Variants in GRID2 observed in about 807,000 individuals in gnomAD.
GRID2 encodes glutamate receptor ionotropic, delta-2.
A neutral mutation model predicts 114.8 loss-of-function variants in GRID2; 33 were observed. That is an observed-to-expected ratio of 0.29 (90% CI 0.22 to 0.38). GRID2 has a LOEUF of 0.38. Among genes scored for constraint, GRID2 ranks in the 10% least tolerant of loss-of-function variants. The pLI is 1.00. For missense variants in GRID2, 1,184 were observed against 1,257.7 expected (o/e 0.94, Z 0.89); for synonymous variants, 505 against 449.9 (o/e 1.12, Z -1.55).
intron 8 of GRID2, among the ~76,000 whole-genome samples, chr4:93,380,265 A>G (rs957652101): frequency 1.3e-5 from 2 of 152,042 alleles, no homozygotes; most frequent in African/African-American, 4.8e-5. Flanking sequence ...CAGAGATTGA[A>G]GTTATGCAGC....
intron 13 of GRID2, among the ~76,000 whole-genome samples, chr4:93,564,463 C>T (rs1735221668): frequency 6.6e-6 from 1 of 151,924 alleles, no homozygotes; most frequent in Admixed American, 6.6e-5. Context: ...CAGTAGTCAA[C>T]TTAGATATTT....
At chr4:92,572,014 A>G (rs150305976) in intron 1 of GRID2, among the ~76,000 whole-genome samples, 61,454 of 151,660 alleles carry the variant, frequency 0.41, 12,553 homozygotes, top group African/African-American at 0.48. Context: ...GCTAGCAGAA[A>G]GCAAGAAATA....
At chr4:92,805,590 T>A (rs549494887) in intron 2 of GRID2, among the ~76,000 whole-genome samples, 1 of 152,136 alleles carries the variant, frequency 6.6e-6, no homozygotes, top group South Asian at 2.1e-4. Flanking sequence ...TGAATTTAGA[T>A]CCTCTAAAGT....
chr4:93,768,793 C>G (rs920923287), intron 14 of GRID2, among the ~76,000 whole-genome samples: 10 of 152,112 alleles, frequency 6.6e-5, no homozygotes, highest in Admixed American at 5.2e-4. Context: ...GCATTAAGAT[C>G]CTGAGTATCA....
rs559653929 is a variant in GRID2 at position 93,753,629 on chromosome 4, T to G, written c.2361-15581T>G. Among the ~76,000 whole-genome samples the G allele has an allele frequency of 7.9e-5, 12 of 152,326 alleles. No homozygotes were observed. The South Asian group carries it at 8.3e-4, about 11-fold the overall frequency. ...TGTCCTTGCGATAGTTTGCTCAGAA[T>G]GACGGTTTCCAGCTTCATCCATGTC... On this transcript the variant is annotated intron_variant, in intron 14 of 15. Coordinates refer to ENST00000282020, the MANE Select transcript of GRID2 (RefSeq NM_001510.4).
chr4:92,305,849 G>C (rs1725374956), intron 1 of GRID2, among the ~76,000 whole-genome samples: 1 of 152,196 alleles, frequency 6.6e-6, no homozygotes, highest in Non-Finnish European at 1.5e-5. Context: ...TCGGAAATTC[G>C]CTTACCGAGC....
At chr4:93,401,544 C>T (rs925891156) in intron 9 of GRID2, among the ~76,000 whole-genome samples, 4 of 152,038 alleles carry the variant, frequency 2.6e-5, no homozygotes, top group Admixed American at 1.3e-4. Flanking sequence ...TTAAGTTAAA[C>T]GTCACTGGGC....
chr4:92,952,229 T>C (rs1379083782), intron 2 of GRID2, among the ~76,000 whole-genome samples: 1 of 152,220 alleles, frequency 6.6e-6, no homozygotes, highest in Non-Finnish European at 1.5e-5. Context: ...TCTTTATTAT[T>C]CTGATAGGTA....
intron 1 of GRID2, among the ~76,000 whole-genome samples, chr4:92,464,168 A>C (rs2060008519): frequency 6.6e-6 from 1 of 152,050 alleles, no homozygotes; most frequent in Admixed American, 6.6e-5. Context: ...TGAGTAAATT[A>C]AGAATCAAGT....
At chr4:92,876,559 C>A (rs1245623906) in intron 2 of GRID2, among the ~76,000 whole-genome samples, 1 of 152,144 alleles carries the variant, frequency 6.6e-6, no homozygotes, top group Non-Finnish European at 1.5e-5. Flanking sequence ...CCCACCTCGG[C>A]CTCCCAAAGT....
intron 2 of GRID2, among the ~76,000 whole-genome samples, chr4:92,695,802 A>G (rs1167329486): frequency 6.6e-6 from 1 of 152,190 alleles, no homozygotes; most frequent in African/African-American, 2.4e-5. Context: ...CCATTTACCC[A>G]GAAGGACAGA....
chr4:92,411,655 G>GTGTGTGTGTGTATGTATATATATATATA, intron 1 of GRID2, among the ~76,000 whole-genome samples: 2 of 84,694 alleles, frequency 2.4e-5, no homozygotes, highest in Admixed American at 1.2e-4. Flanking sequence ...GTGTGTGTGT[G>GTGTGTGTGTGTATGTATATATATATATA]TATATATATA....
intron 14 of GRID2, among the ~76,000 whole-genome samples, chr4:93,720,724 G>C (rs1377016950): frequency 6.6e-6 from 1 of 152,094 alleles, no homozygotes; most frequent in Non-Finnish European, 1.5e-5. Context: ...CAAGTCAAAA[G>C]GGCAAAAGGA....
chr4:93,336,985 A>G (rs941238131), intron 8 of GRID2, among the ~76,000 whole-genome samples: 1 of 152,146 alleles, frequency 6.6e-6, no homozygotes, highest in Non-Finnish European at 1.5e-5. Flanking sequence ...GAAGCAATTC[A>G]AATCTTTACT....
chr4:93,708,730 G>T lies in GRID2; in HGVS notation c.2361-60480G>T, dbSNP rs114165138. ...TTATTATCTGTTTTCAGATTGTTTT[G>T]TGGTCTTCCCTTCTTTCCTTTCTTT... On this transcript the variant is annotated intron_variant, in intron 14 of 15. Coordinates refer to ENST00000282020, the MANE Select transcript of GRID2 (RefSeq NM_001510.4). Among the ~76,000 whole-genome samples, 1,438 of 151,742 alleles carry T rather than the reference G, an allele frequency of 9.5e-3. 24 individuals are homozygous for T. The highest frequency in any genetic ancestry group is 0.033 in the African/African-American group (1,369 of 41,446).
intron 14 of GRID2, among the ~76,000 whole-genome samples, chr4:93,680,213 C>T (rs1219108111): frequency 6.6e-6 from 1 of 152,018 alleles, no homozygotes; most frequent in Non-Finnish European, 1.5e-5. Flanking sequence ...ATACACTCTC[C>T]CAAGACTAAA....
chr4:93,207,307 A>G, intron 4 of GRID2, 97 bp from the exon 5 acceptor site: 3 of 841,248 alleles, frequency 3.6e-6, no homozygotes, highest in East Asian at 2.4e-5. Context: ...TTTCTAACAT[A>G]CGATTCATTT....
chr4:92,952,813 T>G (rs748703886), intron 2 of GRID2, among the ~76,000 whole-genome samples: 5 of 152,214 alleles, frequency 3.3e-5, no homozygotes, highest in Non-Finnish European at 7.3e-5. Flanking sequence ...TTCCTACGAC[T>G]GCCATAACAC....
At position 92,740,884 on chromosome 4, in the gene GRID2, CT is replaced by C. The variant is rs1056090258; in HGVS notation, c.244+150599del. Reference sequence around the variant, plus strand: ...GCCTCAGCTTTCTGACTACCTGGGACTACAGGTGCCTGCCACCATGCCTGAC... The same window carrying C: ...GCCTCAGCTTTCTGACTACCTGGGACACAGGTGCCTGCCACCATGCCTGAC... On this transcript the variant is annotated intron_variant, in intron 2 of 15. Coordinates refer to ENST00000282020, the MANE Select transcript of GRID2 (RefSeq NM_001510.4). Among the ~76,000 whole-genome samples, 5 of 152,166 alleles carry C rather than the reference CT, an allele frequency of 3.3e-5. 1 individual carries two copies. In the Middle Eastern group the frequency reaches 0.01, roughly 313 times the overall value.
Sources: allele counts gnomAD v4.1 joint callset (sites outside exome capture counted in the v4.1 genomes callset), GRCh38; gene constraint gnomAD v4.1.1; transcripts MANE v1.5; gene names NCBI Gene and HGNC (gene_info 2026-07-23, HGNC 2026-07-21).